Variants in MYH15 observed in about 807,000 individuals in gnomAD.
The protein encoded by MYH15 is myosin heavy chain 15.
In MYH15, 227 loss-of-function variants were observed where a neutral mutation model predicts 240.5. The ratio of observed to expected loss-of-function variants is 0.94; its 90% CI spans 0.85 to 1.05. The LOEUF (loss-of-function observed/expected upper bound fraction) is 1.05. MYH15 is among the 50% of genes least tolerant of loss of function. The pLI is 0.00. For missense variants in MYH15, 2,217 were observed against 2,247.5 expected (o/e 0.99, Z 0.27); for synonymous variants, 785 against 796.7 (o/e 0.99, Z 0.25).
In MYH15 at chr3:108,439,796, C is replaced by A. The variant is rs2082870785; in HGVS notation, c.3016G>T (p.Glu1006Ter). 1 of 1,612,808 alleles carries A rather than the reference C, an allele frequency of 6.2e-7. No homozygotes were observed. Among genetic ancestry groups the A allele is most frequent in the African/African-American group, 1.3e-5 (1 of 74,866 alleles). ...QQTLDDLHME[E>*]EKLSSLSKAN... is the part of the protein sequence containing the mutation. Reference sequence around the variant, plus strand: ...TTGCTCAGGCTGCTGAGCTTCTCCTCCTCCATGTGCAGGTCATCCAGGGTC... The same window carrying A: ...TTGCTCAGGCTGCTGAGCTTCTCCTACTCCATGTGCAGGTCATCCAGGGTC... The change falls in exon 24 of 41, where the codon GAG becomes TAG. Residue 1006 changes from glutamate to a stop codon, truncating the protein, a stop_gained. Coordinates refer to ENST00000693548, the MANE Select transcript of MYH15 (RefSeq NM_014981.3). LOFTEE classifies it high-confidence loss of function.
rs995354149 is a variant in MYH15 at position 108,427,679 on chromosome 3, C to G, written c.3702+813G>C. 2.0e-5 allele frequency among the ~76,000 whole-genome samples: 3 copies of G among 148,394 alleles called. No homozygotes were observed. The South Asian group carries it at 6.7e-4, about 33-fold the overall frequency. ...AGAAAGAGAGAGAGAGAGACTGTTT[C>G]TTTCTACTCAGTATGGTATTTAAAA... On this transcript the variant is annotated intron_variant, in intron 27 of 40. Transcript: ENST00000693548.
Position 108,472,013 on chromosome 3 carries a change from C to T in MYH15, c.1234-1166G>A, listed in dbSNP as rs557290228. Among the ~76,000 whole-genome samples, 6 of 152,308 alleles carry T rather than the reference C, an allele frequency of 3.9e-5. No homozygotes were observed. The East Asian group carries it at 1.2e-3, about 29-fold the overall frequency. ...ATCTTCCTAGCCTTAGCTTCCAACT[C>T]TTTATTATATTAGTTCCCAGTTTTG... On this transcript the variant is annotated intron_variant, in intron 12 of 40. Transcript: ENST00000693548.
chr3:108,550,195 G>C, the MYH15 span: 1 of 151,456 alleles, frequency 6.6e-6, no homozygotes, highest in Non-Finnish European at 1.5e-5. Context: ...CAAATGAAAA[G>C]TACAGAAGGA....
At chr3:108,383,550 C>T (rs1216786030) in intron 40 of MYH15, 45 bp downstream of exon 40, 3 of 1,596,152 alleles carry the variant, frequency 1.9e-6, no homozygotes, top group Non-Finnish European at 2.6e-6. Flanking sequence ...CAGCCCTAAA[C>T]AAACATGATT....
intron 1 of MYH15, among the ~76,000 whole-genome samples, chr3:108,518,906 T>C (rs1011802415): frequency 2.0e-5 from 3 of 152,212 alleles, no homozygotes; most frequent in East Asian, 3.8e-4. Context: ...CCCATCTTCC[T>C]AATGAAACAT....
At chr3:108,435,693 C>CATATAT (rs72262588) in intron 25 of MYH15, among the ~76,000 whole-genome samples, 4 of 143,514 alleles carry the variant, frequency 2.8e-5, no homozygotes, top group African/African-American at 1.0e-4. Flanking sequence ...ATTTTATATA[C>CATATAT]ATATATATAT....
intron 9 of MYH15, among the ~76,000 whole-genome samples, chr3:108,491,008 C>T (rs2083341619): frequency 6.6e-6 from 1 of 152,086 alleles, no homozygotes; most frequent in Non-Finnish European, 1.5e-5. Context: ...CTGCCTCAGT[C>T]TCCTGAGTAG....
rs5851595 is a variant in MYH15 at position 108,497,157 on chromosome 3, T to TAAA, written c.618+892_618+894dup. On this transcript the variant is annotated intron_variant, in intron 6 of 40. Transcript: ENST00000693548. ...GCCTGGGCGAAAGAGCGAGACTCCG[T>TAAA]AAAAAAAAAAAAAAAAAAAAAAAAA... Among the ~76,000 whole-genome samples, 83 of 28,768 alleles carry TAAA rather than the reference T, an allele frequency of 2.9e-3. 4 individuals are homozygous for TAAA. Among genetic ancestry groups the TAAA allele is most frequent in the East Asian group, 8.1e-3 (6 of 738 alleles). The allele number at this position is 28,768 out of a possible 152,430, so 18.9% of individuals were successfully genotyped here.
At chr3:108,382,685 C>A (rs998375640) in intron 40 of MYH15, among the ~76,000 whole-genome samples, 2 of 152,078 alleles carry the variant, frequency 1.3e-5, no homozygotes, top group African/African-American at 4.8e-5. Context: ...ATGCAAGAGT[C>A]TTGCTTTGTA....
intron 29 of MYH15, 118 bp from the exon 30 acceptor site, chr3:108,414,546 G>A (rs370028641): frequency 4.5e-5 from 36 of 795,276 alleles, no homozygotes; most frequent in African/African-American, 1.0e-4. Context: ...AATTCAAGCC[G>A]AACCTGAACC....
At chr3:108,543,100 C>T in the MYH15 span, among the ~76,000 whole-genome samples, 5 of 152,046 alleles carry the variant, frequency 3.3e-5, no homozygotes, top group East Asian at 1.9e-4. Context: ...AGGATGGTCT[C>T]GATCTCCTGA....
upstream of MYH15, among the ~76,000 whole-genome samples, chr3:108,513,755 T>C (rs2083537974): frequency 6.6e-6 from 1 of 152,194 alleles, no homozygotes; most frequent in Non-Finnish European, 1.5e-5. Context: ...GTACACATTT[T>C]CCATAACTGC....
chr3:108,461,418 A>T (rs1191949708), intron 16 of MYH15, among the ~76,000 whole-genome samples: 1 of 152,132 alleles, frequency 6.6e-6, no homozygotes, highest in Admixed American at 6.6e-5. Flanking sequence ...ATCACAAGCA[A>T]TTTAATGTTC....
At chr3:108,502,440 C>T (rs902319057) in intron 2 of MYH15, among the ~76,000 whole-genome samples, 1 of 152,020 alleles carries the variant, frequency 6.6e-6, no homozygotes, top group Non-Finnish European at 1.5e-5. Context: ...TTATAAATAC[C>T]TTAAGAAGGA....
chr3:108,492,733 G>A, intron 8 of MYH15, 138 bp from the exon 9 acceptor site: 1 of 621,630 alleles, frequency 1.6e-6, no homozygotes, highest in South Asian at 2.1e-5. Flanking sequence ...AATCACTTGA[G>A]GCCAGGAGTT....
chr3:108,491,647 A>T (rs1273839548), intron 9 of MYH15, among the ~76,000 whole-genome samples: 2 of 151,966 alleles, frequency 1.3e-5, no homozygotes, highest in African/African-American at 4.8e-5. Flanking sequence ...GCCCATTACC[A>T]GCTTAATCGT....
At chr3:108,388,156 G>A (rs2082397463) in intron 38 of MYH15, among the ~76,000 whole-genome samples, 1 of 152,200 alleles carries the variant, frequency 6.6e-6, no homozygotes, top group Non-Finnish European at 1.5e-5. Context: ...GCTATCATGT[G>A]CAGTGTGAGA....
chr3:108,533,891 C>A (rs1195189968), upstream of MYH15, among the ~76,000 whole-genome samples: 1 of 152,176 alleles, frequency 6.6e-6, no homozygotes, highest in Non-Finnish European at 1.5e-5. Flanking sequence ...GTTTAAATAC[C>A]TCCAGATAAA....
chr3:108,499,275 T>C (rs946780731), intron 5 of MYH15, among the ~76,000 whole-genome samples, 180 bp downstream of exon 5: 3 of 152,178 alleles, frequency 2.0e-5, no homozygotes, highest in Non-Finnish European at 4.4e-5. Context: ...TTTGGAGTCA[T>C]CACTGACTAA....
Sources: gnomAD v4.1 joint callset for allele counts (sites outside exome capture counted in the v4.1 genomes callset) on GRCh38, gnomAD v4.1.1 for gene constraint, MANE v1.5 for transcripts, NCBI Gene and HGNC (gene_info 2026-07-23, HGNC 2026-07-21) for gene names.